The following EYA4 variants were observed in gnomAD, a reference collection of about 807,000 sequenced individuals.
The protein encoded by EYA4 is EYA transcriptional coactivator and phosphatase 4, also known as protein phosphatase EYA4.
EYA4 carries 31 observed loss-of-function variants against 87.9 expected under a neutral mutation model. The observed-to-expected ratio is 0.35, with a 90% CI of 0.27 to 0.48. The LOEUF is 0.48. EYA4 is among the 20% of genes least tolerant of loss of function. The pLI, the probability that EYA4 is intolerant of heterozygous loss-of-function variation, is 0.99. For synonymous variants in EYA4, 263 were observed against 270.6 expected, an observed-to-expected ratio of 0.97 and a Z score of 0.28; for missense variants, 678 against 761.4, an observed-to-expected ratio of 0.89 and a Z score of 1.29.
chr6:133,366,200 G>T, intron 2 of EYA4, among the ~76,000 whole-genome samples: 1 of 152,122 alleles, frequency 6.6e-6, no homozygotes, highest in Non-Finnish European at 1.5e-5. Flanking sequence ...AGAGTTTGTG[G>T]AAAGGGAGGA....
At chr6:133,426,968 G>A (rs117134637) in intron 3 of EYA4, among the ~76,000 whole-genome samples, 5 of 151,934 alleles carry the variant, frequency 3.3e-5, no homozygotes, top group Admixed American at 6.6e-5. Context: ...TCTATATATC[G>A]GAATCTATAT....
chr6:133,381,524 T>C (rs909956030), intron 2 of EYA4, among the ~76,000 whole-genome samples: 1 of 152,132 alleles, frequency 6.6e-6, no homozygotes, highest in Non-Finnish European at 1.5e-5. Flanking sequence ...AAACCACATA[T>C]TGGAAGTAAA....
Position 133,523,049 on chromosome 6 carries a change from A to AT in EYA4, c.1617-3dup. 1.1e-5 allele frequency: 17 copies of AT among 1,608,378 alleles called. No homozygotes were observed. The highest frequency in any genetic ancestry group is 1.4e-5 in the Non-Finnish European group (17 of 1,175,126). ...AAACAAACATGTATATTTCCTCCCT[A>AT]TTTTAGGAGTAACTGCATAAATGTC... On this transcript the variant is annotated splice_polypyrimidine_tract_variant and splice_region_variant and intron_variant, in intron 17 of 19. Coordinates refer to ENST00000355286, the MANE Select transcript of EYA4 (RefSeq NM_004100.5).
chr6:133,348,830 C>T lies in EYA4; in HGVS notation c.34-33562C>T, dbSNP rs1323292985. ...ATTGCAGTAGCCTTCTAACTTGTCTCCTTATGGTATATTCTCTGCACAACA... is the reference window on the plus strand; with the variant it reads ...ATTGCAGTAGCCTTCTAACTTGTCTTCTTATGGTATATTCTCTGCACAACA... On this transcript the variant is annotated intron_variant, in intron 2 of 19. Transcript: ENST00000355286. 4.6e-5 allele frequency among the ~76,000 whole-genome samples: 7 copies of T among 152,036 alleles called. No individual in the cohort carries two copies. In the East Asian group the frequency reaches 1.4e-3, roughly 29 times the overall value.
chr6:133,367,462 C>T (rs1467736512), intron 2 of EYA4, among the ~76,000 whole-genome samples: 1 of 152,190 alleles, frequency 6.6e-6, no homozygotes, highest in Non-Finnish European at 1.5e-5. Context: ...TCATTACTGA[C>T]TAAATCTTGA....
At chr6:133,295,196 T>G (rs1283186925) in intron 2 of EYA4, among the ~76,000 whole-genome samples, 1 of 152,220 alleles carries the variant, frequency 6.6e-6, no homozygotes, top group East Asian at 1.9e-4. Context: ...AAAAGGACTC[T>G]TCAAATGATC....
chr6:133,274,861 C>G, intron 2 of EYA4, 48 bp downstream of exon 2: 1 of 1,385,324 alleles, frequency 7.2e-7, no homozygotes, highest in Non-Finnish European at 1.0e-6. Context: ...GATAACACTA[C>G]TGAAAATCAT....
intron 3 of EYA4, among the ~76,000 whole-genome samples, chr6:133,393,386 G>A (rs1279160463): frequency 6.6e-6 from 1 of 152,200 alleles, no homozygotes; most frequent in Non-Finnish European, 1.5e-5. Context: ...TGGTAAAGGA[G>A]TATGTTAGAA....
chr6:133,495,127 G>C (rs1348071500), intron 13 of EYA4, among the ~76,000 whole-genome samples: 1 of 151,866 alleles, frequency 6.6e-6, no homozygotes, highest in Non-Finnish European at 1.5e-5. Flanking sequence ...AAATTAGCCA[G>C]GTGTGGTGGT....
intron 11 of EYA4, among the ~76,000 whole-genome samples, chr6:133,480,327 A>G (rs1245843447): frequency 1.3e-5 from 2 of 152,194 alleles, no homozygotes; most frequent in Non-Finnish European, 2.9e-5. Flanking sequence ...GAGTCTGTCT[A>G]TTGCATTTGT....
At chr6:133,382,097 T>G (rs150820152) in intron 2 of EYA4, among the ~76,000 whole-genome samples, 2 of 152,324 alleles carry the variant, frequency 1.3e-5, no homozygotes, top group East Asian at 3.9e-4. Flanking sequence ...GTATGCTTTC[T>G]AGTTCCTAAG....
intron 2 of EYA4, among the ~76,000 whole-genome samples, chr6:133,276,020 T>C (rs1777134557): frequency 6.6e-6 from 1 of 152,200 alleles, no homozygotes; most frequent in Non-Finnish European, 1.5e-5. Flanking sequence ...GGTTATTGAC[T>C]GTAAATATTC....
At chr6:133,398,754 G>A (rs1177293039) in intron 3 of EYA4, among the ~76,000 whole-genome samples, 3 of 152,146 alleles carry the variant, frequency 2.0e-5, no homozygotes, top group Non-Finnish European at 2.9e-5. Context: ...CCTGTAGAAA[G>A]CGAATGGCAG....
At chr6:133,366,485 G>A (rs770101388) in intron 2 of EYA4, among the ~76,000 whole-genome samples, 1 of 152,168 alleles carries the variant, frequency 6.6e-6, no homozygotes, top group Non-Finnish European at 1.5e-5. Flanking sequence ...GAGTTTGAAT[G>A]ACTGGGGGCA....
chr6:133,300,250 C>T (rs896464531), intron 2 of EYA4, among the ~76,000 whole-genome samples: 6 of 151,496 alleles, frequency 4.0e-5, no homozygotes, highest in African/African-American at 1.2e-4. Context: ...CTTGCTGTCT[C>T]GGGGATGGCA....
At chr6:133,381,036 C>T (rs1464444528) in intron 2 of EYA4, among the ~76,000 whole-genome samples, 1 of 148,084 alleles carries the variant, frequency 6.8e-6, no homozygotes, top group Non-Finnish European at 1.5e-5. Flanking sequence ...CCTCCTCCTC[C>T]TTTTTCTTCT....
chr6:133,361,552 A>G (rs1295634117), intron 2 of EYA4, among the ~76,000 whole-genome samples: 1 of 152,172 alleles, frequency 6.6e-6, no homozygotes, highest in Non-Finnish European at 1.5e-5. Flanking sequence ...GTGGCAGGCT[A>G]ACTTATTAGC....
chr6:133,456,799 CAT>C (rs1244818747), intron 6 of EYA4, 151 bp downstream of exon 6: 2 of 613,054 alleles, frequency 3.3e-6, no homozygotes, highest in Non-Finnish European at 5.9e-6. Context: ...AACTCATAGT[CAT>C]AGCAGTATGC....
chr6:133,526,061 C>G (rs528504084), intron 19 of EYA4: 1 of 264,762 alleles, frequency 3.8e-6, no homozygotes, highest in Non-Finnish European at 5.8e-6. Context: ...AAGAAGAAAC[C>G]AAGGCAATTA....
Sources: gnomAD v4.1 joint callset for allele counts (sites outside exome capture counted in the v4.1 genomes callset) on GRCh38, gnomAD v4.1.1 for gene constraint, MANE v1.5 for transcripts, NCBI Gene and HGNC (gene_info 2026-07-23, HGNC 2026-07-21) for gene names.